SRGAP2B: variants seen among roughly 807,000 people sequenced by gnomAD.
SRGAP2B encodes the protein SLIT-ROBO Rho GTPase-activating protein 2B.
Under a neutral mutation model 22.2 loss-of-function variants are expected in SRGAP2B, and 9 were observed. The ratio of observed to expected loss-of-function variants is 0.41; its 90% CI spans 0.24 to 0.71. The LOEUF is 0.71. Ranked by LOEUF, SRGAP2B falls within the 30% of genes least tolerant of loss-of-function variation. The pLI is 0.35. For missense variants in SRGAP2B, 114 were observed against 235.8 expected, an observed-to-expected ratio of 0.48 and a Z score of 3.38; for synonymous variants, 36 against 87.4, an observed-to-expected ratio of 0.41 and a Z score of 3.28.
At chr1:144,963,211 C>T (rs1337059298) in intron 3 of SRGAP2B, among the ~76,000 whole-genome samples, 1 of 150,122 alleles carries the variant, frequency 6.7e-6, no homozygotes, top group Non-Finnish European at 1.5e-5. Flanking sequence ...GTACAATCTA[C>T]ATGCTACAAT....
intron 2 of SRGAP2B, among the ~76,000 whole-genome samples, chr1:145,041,075 G>GTATATATA (rs370443273): frequency 5.5e-3 from 416 of 76,250 alleles, no homozygotes; most frequent in Non-Finnish European, 6.5e-3. Flanking sequence ...TATATATATA[G>GTATATATA]TATATATATA....
chr1:145,012,356 T>C (rs1672118682), intron 2 of SRGAP2B, among the ~76,000 whole-genome samples: 1 of 150,034 alleles, frequency 6.7e-6, no homozygotes, highest in Non-Finnish European at 1.5e-5. Context: ...TGGCTTCTTT[T>C]TACTTTTCAG....
chr1:144,940,205 G>A (rs1260729754), intron 4 of SRGAP2B, among the ~76,000 whole-genome samples: 1 of 109,470 alleles, frequency 9.1e-6, no homozygotes, highest in Non-Finnish European at 1.8e-5. Context: ...TTAGTGTAAA[G>A]ATGAGGAAAG....
intron 2 of SRGAP2B, among the ~76,000 whole-genome samples, chr1:145,080,859 T>C (rs1227640025): frequency 1.3e-5 from 2 of 149,642 alleles, no homozygotes; most frequent in Non-Finnish European, 3.0e-5. Flanking sequence ...CAGGCCGATC[T>C]TCAACGTATT....
rs1332137536 is a variant in SRGAP2B at position 145,047,107 on chromosome 1, C to T, written c.67+45728G>A. On this transcript the variant is annotated intron_variant, in intron 2 of 9. Coordinates refer to ENST00000612199, the Ensembl canonical transcript of SRGAP2B. ...AGGAGAAACACTTGAATCCAGGAGG[C>T]GGAGGCTGCAATGAGCCAAGATCGC... 8.7e-4 allele frequency among the ~76,000 whole-genome samples: 120 copies of T among 138,278 alleles called. 5 individuals carry two copies. Among genetic ancestry groups the T allele is most frequent in the Non-Finnish European group, 1.5e-3 (101 of 65,424 alleles). 90.7% of individuals were successfully genotyped at this position (138,278 alleles called of 152,430 possible). A position where few individuals can be genotyped will look rare whatever the true frequency, so the allele number is the denominator to read the frequency against.
At chr1:144,920,510 C>A (rs587766916) in intron 4 of SRGAP2B, among the ~76,000 whole-genome samples, 1 of 150,126 alleles carries the variant, frequency 6.7e-6, no homozygotes, top group Non-Finnish European at 1.5e-5. Flanking sequence ...TGGCTTCAAA[C>A]AATCCTCCTG....
At chr1:144,948,405 TG>T (rs1262834317) in intron 4 of SRGAP2B, among the ~76,000 whole-genome samples, 1 of 133,184 alleles carries the variant, frequency 7.5e-6, no homozygotes, top group African/African-American at 3.0e-5. Context: ...GATGGACATT[TG>T]GGTTGTTTCC....
intron 2 of SRGAP2B, among the ~76,000 whole-genome samples, chr1:145,062,921 C>T (rs1651075554): frequency 6.9e-6 from 1 of 145,390 alleles, no homozygotes; most frequent in Admixed American, 6.8e-5. Context: ...TACTCTCTGC[C>T]AATAGAGGCA....
chr1:145,019,757 T>G (rs1479958574), intron 2 of SRGAP2B, among the ~76,000 whole-genome samples: 1 of 142,270 alleles, frequency 7.0e-6, no homozygotes, highest in African/African-American at 2.7e-5. Flanking sequence ...GATGTAGATA[T>G]AGATATTTAC....
chr1:144,920,938 C>T (rs1664201336), intron 4 of SRGAP2B, among the ~76,000 whole-genome samples: 1 of 149,776 alleles, frequency 6.7e-6, no homozygotes, highest in African/African-American at 2.5e-5. Context: ...TTATTGAATG[C>T]TGGCAAGGGA....
chr1:145,061,752 A>G (rs1307071786), intron 2 of SRGAP2B, among the ~76,000 whole-genome samples: 3 of 145,136 alleles, frequency 2.1e-5, no homozygotes, highest in Non-Finnish European at 4.5e-5. Context: ...CCACCTAGCT[A>G]ATTTTTGTAT....
chr1:144,998,720 A>G lies in SRGAP2B; in HGVS notation c.68-3520T>C, dbSNP rs1472383155. On this transcript the variant is annotated intron_variant, in intron 2 of 9. Transcript: ENST00000612199. ...TTGTTACCATCTTCAAAGAATCCAT[A>G]CAGGCATTAAGGGAAATTCTAACTA... Among the ~76,000 whole-genome samples, 11 of 151,126 alleles carry G rather than the reference A, an allele frequency of 7.3e-5. 1 individual carries two copies. Among genetic ancestry groups the G allele is most frequent in the African/African-American group, 2.7e-4 (11 of 40,514 alleles).
chr1:145,085,769 C>CAAGT (rs1288876900), intron 2 of SRGAP2B, among the ~76,000 whole-genome samples: 2 of 147,816 alleles, frequency 1.4e-5, no homozygotes, highest in African/African-American at 5.1e-5. Context: ...CTCCCAGGTT[C>CAAGT]AAGTGATTCT....
intron 4 of SRGAP2B, among the ~76,000 whole-genome samples, chr1:144,952,803 C>T (rs1392305476): frequency 6.6e-6 from 1 of 150,596 alleles, no homozygotes; most frequent in East Asian, 1.9e-4. Context: ...CCATGCTCAG[C>T]TAACTTTTAA....
chr1:144,956,439 CTTTTTTTTTT>C (rs3069132), intron 3 of SRGAP2B, among the ~76,000 whole-genome samples: 1 of 95,388 alleles, frequency 1.0e-5, no homozygotes, highest in African/African-American at 4.6e-5. Flanking sequence ...TGCTCATTCC[CTTTTTTTTTT>C]TTTTTTTTTT....
At chr1:144,942,535 T>C (rs1666130387) in intron 4 of SRGAP2B, among the ~76,000 whole-genome samples, 1 of 150,818 alleles carries the variant, frequency 6.6e-6, no homozygotes, top group African/African-American at 2.5e-5. Context: ...TTCTCCTCCC[T>C]AAGCCTCCTG....
intron 2 of SRGAP2B, among the ~76,000 whole-genome samples, chr1:145,039,407 C>G (rs1191259141): frequency 8.9e-6 from 1 of 111,800 alleles, no homozygotes; most frequent in Non-Finnish European, 1.8e-5. Flanking sequence ...CCCAGAAGGT[C>G]GAGGCTGCAG....
intron 2 of SRGAP2B, among the ~76,000 whole-genome samples, chr1:145,021,847 C>A (rs1672827861): frequency 1.4e-5 from 2 of 140,190 alleles, no homozygotes; most frequent in South Asian, 2.2e-4. Flanking sequence ...GATAGATGAC[C>A]ATTTGGGGAT....
intron 2 of SRGAP2B, among the ~76,000 whole-genome samples, chr1:145,084,697 T>A: frequency 6.6e-6 from 1 of 152,186 alleles, no homozygotes; most frequent in Non-Finnish European, 1.5e-5. Flanking sequence ...AAATAAGAAA[T>A]GTGGTCGAAA....
Sources: allele counts gnomAD v4.1 joint callset (sites outside exome capture counted in the v4.1 genomes callset), GRCh38; gene constraint gnomAD v4.1.1; transcripts MANE v1.5; gene names NCBI Gene and HGNC (gene_info 2026-07-23, HGNC 2026-07-21).